DYNAP: variants seen among roughly 807,000 people sequenced by gnomAD.
DYNAP encodes the protein dynactin-associated protein.
DYNAP carries 7 observed loss-of-function variants against 8.5 expected under a neutral mutation model. The observed-to-expected ratio is 0.82, with a 90% CI of 0.47 to 1.54. The LOEUF (loss-of-function observed/expected upper bound fraction) is 1.54. Among genes scored for constraint, DYNAP ranks in the 40% most tolerant of loss-of-function variants. The probability of loss-of-function intolerance (pLI) is 0.01; values close to 1 mark genes in which losing one functional copy is unlikely to be tolerated. For missense variants in DYNAP, 256 were observed against 224.3 expected (o/e 1.14, Z -0.90); for synonymous variants, 77 against 77.9 (o/e 0.99, Z 0.06).
intron 1 of DYNAP, among the ~76,000 whole-genome samples, chr18:54,592,451 T>A (rs1330960276): frequency 6.6e-6 from 1 of 152,126 alleles, no homozygotes; most frequent in African/African-American, 2.4e-5. Flanking sequence ...TATAACTATA[T>A]TTTTCTCTTC....
intron 1 of DYNAP, among the ~76,000 whole-genome samples, chr18:54,591,611 A>T (rs1911080094): frequency 6.6e-6 from 1 of 152,138 alleles, no homozygotes; most frequent in South Asian, 2.1e-4. Flanking sequence ...AGATCCATTT[A>T]ACTTTCTATA....
At chr18:54,590,583 C>A (rs1911030699), upstream of DYNAP, among the ~76,000 whole-genome samples, 1 of 152,108 alleles carries the variant, frequency 6.6e-6, no homozygotes, top group African/African-American at 2.4e-5. Context: ...ATACCTGGCA[C>A]ACTTTTGAAA....
chr18:54,577,795 G>A, the DYNAP span, among the ~76,000 whole-genome samples: 119 of 150,800 alleles, frequency 7.9e-4, 1 homozygote, highest in African/African-American at 2.6e-3. Context: ...GGTGAAACCC[G>A]GTCTCTACTA....
chr18:54,590,581 C>T (rs1201557539), upstream of DYNAP, among the ~76,000 whole-genome samples: 3 of 152,142 alleles, frequency 2.0e-5, no homozygotes, highest in Admixed American at 6.6e-5. Flanking sequence ...ACATACCTGG[C>T]ACACTTTTGA....
chr18:54,579,135 A>C, the DYNAP span, among the ~76,000 whole-genome samples: 1 of 152,268 alleles, frequency 6.6e-6, no homozygotes, highest in East Asian at 1.9e-4. Context: ...ACTATTCTCT[A>C]AAAATCAGAA....
upstream of DYNAP, among the ~76,000 whole-genome samples, chr18:54,590,936 A>C (rs1222094102): frequency 6.6e-6 from 1 of 152,170 alleles, no homozygotes; most frequent in Non-Finnish European, 1.5e-5. Flanking sequence ...CTATCTCAGA[A>C]CGTTTTTCTG....
At chr18:54,593,394 C>T (rs1911161101) in intron 1 of DYNAP, among the ~76,000 whole-genome samples, 1 of 152,050 alleles carries the variant, frequency 6.6e-6, no homozygotes. Context: ...TTACTAATAA[C>T]AAGAATGATA....
chr18:54,596,407 T>C (rs1911290649), intron 2 of DYNAP, among the ~76,000 whole-genome samples: 1 of 152,020 alleles, frequency 6.6e-6, no homozygotes. Context: ...CATATTAGAA[T>C]CACCTGGGGA....
At chr18:54,591,212 C>T (rs752467570), upstream of DYNAP, 59 of 1,609,746 alleles carry the variant, frequency 3.7e-5, no homozygotes, top group Non-Finnish European at 5.0e-5. Flanking sequence ...TTCATGGTTG[C>T]AGATATAAAG....
upstream of DYNAP, among the ~76,000 whole-genome samples, chr18:54,583,237 A>T (rs1048477635): frequency 6.6e-6 from 1 of 151,608 alleles, no homozygotes; most frequent in South Asian, 2.1e-4. Flanking sequence ...GCTGCAGAAA[A>T]CTCCTGCCAA....
At chr18:54,595,145 C>T (rs1281844076) in intron 2 of DYNAP, 42 bp downstream of exon 2, 4 of 1,582,280 alleles carry the variant, frequency 2.5e-6, no homozygotes, top group Non-Finnish European at 2.6e-6. Context: ...TTGGGATGTG[C>T]TCTATATGGG....
chr18:54,579,507 ACT>A, the DYNAP span, among the ~76,000 whole-genome samples: 1 of 152,088 alleles, frequency 6.6e-6, no homozygotes, highest in African/African-American at 2.4e-5. Context: ...CAGGAGCCAA[ACT>A]CTTGCCTTGA....
intron 1 of DYNAP, among the ~76,000 whole-genome samples, chr18:54,592,845 C>T (rs2144887844): frequency 6.6e-6 from 1 of 152,212 alleles, no homozygotes; most frequent in Non-Finnish European, 1.5e-5. Context: ...CCATCACCTT[C>T]CTCTCTGAAA....
chr18:54,594,302 T>C (rs1911197288), intron 1 of DYNAP, among the ~76,000 whole-genome samples: 1 of 152,132 alleles, frequency 6.6e-6, no homozygotes, highest in Non-Finnish European at 1.5e-5. Flanking sequence ...GTCACTGCCA[T>C]AGGCTTGCAA....
the DYNAP span, among the ~76,000 whole-genome samples, chr18:54,577,304 A>G: frequency 1.3e-5 from 2 of 152,108 alleles, no homozygotes; most frequent in Non-Finnish European, 2.9e-5. Flanking sequence ...ACAGAGTTGG[A>G]TGCCAGGCGT....
chr18:54,597,546 T>C (rs753107606), intron 2 of DYNAP, among the ~76,000 whole-genome samples: 5 of 152,138 alleles, frequency 3.3e-5, no homozygotes, highest in African/African-American at 4.8e-5. Context: ...AAAACTGCTC[T>C]GAAAATAAAG....
At position 54,591,293 on chromosome 18, in the gene DYNAP, A is replaced by G. The variant is rs759193155; in HGVS notation, c.11A>G (p.Lys4Arg). Residue 4 changes from lysine (K) to arginine (R), a missense_variant, in exon 1 of 3, where the codon AAG becomes AGG. Coordinates refer to ENST00000648945, the MANE Select transcript of DYNAP (RefSeq NM_173629.3). The stretch of plus-strand genomic sequence containing the variant: ...ACTGGCAGCTCAAGAATGGACAGAA[A>G]GCATGGAAAATACATATTGAACGTT... MDR[K>R]HGKYILNVEH... is the part of the protein sequence containing the mutation. The G allele has an allele frequency of 2.5e-6, 4 of 1,612,966 alleles. No individual in the cohort carries two copies. The South Asian group carries it at 4.4e-5, about 18-fold the overall frequency.
the DYNAP span, among the ~76,000 whole-genome samples, chr18:54,577,685 G>T: frequency 6.7e-6 from 1 of 149,884 alleles, no homozygotes; most frequent in African/African-American, 2.5e-5. Context: ...TGAAGTCTAA[G>T]AAAGTGTTAC....
At chr18:54,579,002 T>C in the DYNAP span, among the ~76,000 whole-genome samples, 1 of 152,100 alleles carries the variant, frequency 6.6e-6, no homozygotes, top group African/African-American at 2.4e-5. Flanking sequence ...GGTTTCACCA[T>C]GCTAGCCAGG....
Sources: allele counts gnomAD v4.1 joint callset (sites outside exome capture counted in the v4.1 genomes callset), GRCh38; gene constraint gnomAD v4.1.1; transcripts MANE v1.5; gene names NCBI Gene and HGNC (gene_info 2026-07-23, HGNC 2026-07-21).